Variants in STMND1 observed in about 807,000 individuals in gnomAD.
STMND1 encodes stathmin domain containing 1, also known as stathmin domain-containing protein 1.
STMND1 carries 17 observed loss-of-function variants against 23.0 expected under a neutral mutation model. The ratio of observed to expected loss-of-function variants is 0.74; its 90% confidence interval spans 0.51 to 1.11. The LOEUF is 1.11. Ranked by LOEUF, STMND1 falls within the 50% of genes least tolerant of loss-of-function variation. The pLI is 0.00. For synonymous variants in STMND1, 114 were observed against 119.9 expected (o/e 0.95, Z 0.32); for missense variants, 305 against 329.1 (o/e 0.93, Z 0.57).
intron 2 of STMND1, among the ~76,000 whole-genome samples, chr6:17,116,702 A>T (rs910914508): frequency 2.6e-5 from 4 of 152,084 alleles, no homozygotes; most frequent in African/African-American, 7.2e-5. Context: ...AGCCTCCCAA[A>T]GTGTTGAGAT....
Position 17,130,769 on chromosome 6 carries a change from G to A in STMND1, c.719G>A (p.Arg240Lys), listed in dbSNP as rs1474692534. ...SDLQGGKPLK[R>K]KKSKCDATLI... ...CTGCAGGGAGGAAAACCATTGAAGA[G>A]GAAGAAGAGTAAATGTGATGCAACC... is the stretch of plus-strand genomic sequence containing the variant. Residue 240 changes from arginine to lysine, a missense_variant, in exon 5 of 5, where the codon AGG becomes AAG. Transcript: ENST00000536551. The A allele has an allele frequency of 7.2e-6, 11 of 1,536,074 alleles. No individual in the cohort carries two copies. The highest frequency in any genetic ancestry group is 1.7e-4 in the Middle Eastern group (1 of 5,990).
Position 17,126,061 on chromosome 6 carries a change from TATATATATA to T in STMND1, c.412-3050_412-3042del, listed in dbSNP as rs1309313444. Among the ~76,000 whole-genome samples, 67 of 27,472 alleles carry T rather than the reference TATATATATA, an allele frequency of 2.4e-3. 1 individual carries two copies. The highest frequency in any genetic ancestry group is 7.8e-3 in the African/African-American group (54 of 6,886). 18.0% of individuals were successfully genotyped at this position (27,472 alleles called of 152,430 possible). On this transcript the variant is annotated intron_variant, in intron 3 of 4. Transcript: ENST00000536551. Reference sequence around the variant, plus strand: ...ATATATATATATATATATATATATATATATATATATTTTTTTTTTTTTTTTTTTTTTTTT... The same window carrying T: ...ATATATATATATATATATATATATATTTTTTTTTTTTTTTTTTTTTTTTTT...
At chr6:17,120,779 C>T in intron 3 of STMND1, 21 bp downstream of exon 3, 1 of 1,500,816 alleles carries the variant, frequency 6.7e-7, no homozygotes, top group Non-Finnish European at 8.9e-7. Flanking sequence ...TTGTAATTAA[C>T]ATTAGCTTAT....
rs777881930 is a variant in STMND1 at position 17,130,605 on chromosome 6, A to T, written c.555A>T (p.Glu185Asp). Residue 185 changes from glutamate to aspartate, a missense_variant, in exon 5 of 5, where the codon GAA becomes GAT. Physicochemically the swap from Glu to Asp is conservative, Grantham distance 45 (BLOSUM62 2). Coordinates refer to ENST00000536551, the MANE Select transcript of STMND1 (RefSeq NM_001190766.2). ...AAEERRKTKE[E>D]EIRKRLRSDR... is the part of the protein sequence containing the mutation. ...ATACTGCATTTCAGACTAAAGAAGA[A>T]GAAATAAGAAAAAGGCTACGGAGTG... is the stretch of plus-strand genomic sequence containing the variant. The T allele has an allele frequency of 5.3e-6, 8 of 1,511,516 alleles. No homozygotes were observed. In the African/African-American group the frequency reaches 1.1e-4, roughly 21 times the overall value. 93.6% of individuals were successfully genotyped at this position (1,511,516 alleles called of 1,614,324 possible).
At chr6:17,110,098 C>A (rs566407667) in intron 1 of STMND1, among the ~76,000 whole-genome samples, 1 of 152,218 alleles carries the variant, frequency 6.6e-6, no homozygotes, top group African/African-American at 2.4e-5. Flanking sequence ...CCTAGAATGT[C>A]CTTTTCTCCT....
chr6:17,129,121 A>AC lies in STMND1; in HGVS notation c.422dup (p.Glu142Ter). On this transcript the variant is annotated frameshift_variant, in exon 4 of 5. Transcript: ENST00000536551. LOFTEE classifies it high-confidence loss of function. ...AGATGTTTTATTCCAGTTGACTACG[A>AC]CTGAGAAGCCATTGAGAAAGCCACC... The AC allele has an allele frequency of 6.5e-7, 1 of 1,535,832 alleles. No homozygotes were observed. The highest frequency in any genetic ancestry group is 8.7e-7 in the Non-Finnish European group (1 of 1,146,768).
chr6:17,120,467 C>A, intron 2 of STMND1, 140 bp from the exon 3 acceptor site: 1 of 605,750 alleles, frequency 1.7e-6, no homozygotes, highest in South Asian at 3.3e-5. Context: ...ATCACAAAGA[C>A]TTATAATAGA....
chr6:17,103,791 C>T (rs1046058520), intron 1 of STMND1, among the ~76,000 whole-genome samples: 26 of 152,004 alleles, frequency 1.7e-4, no homozygotes, highest in Admixed American at 5.9e-4. Context: ...AGGCTGGTCT[C>T]GAACTCCTGA....
chr6:17,125,528 T>C (rs1761284136), intron 3 of STMND1, among the ~76,000 whole-genome samples: 1 of 152,208 alleles, frequency 6.6e-6, no homozygotes, highest in Non-Finnish European at 1.5e-5. Context: ...GTGACTTCTA[T>C]ACTTGGGAAC....
chr6:17,111,534 C>T (rs757381554), intron 1 of STMND1, among the ~76,000 whole-genome samples: 3 of 152,090 alleles, frequency 2.0e-5, no homozygotes, highest in Non-Finnish European at 4.4e-5. Flanking sequence ...TAATGAGCTC[C>T]AATGCCATCA....
At chr6:17,121,623 A>G (rs1656994497) in intron 3 of STMND1, among the ~76,000 whole-genome samples, 1 of 152,204 alleles carries the variant, frequency 6.6e-6, no homozygotes, top group Non-Finnish European at 1.5e-5. Flanking sequence ...AAAATAAAGT[A>G]AAACTTTAAA....
At chr6:17,113,737 G>C (rs1761124105) in intron 1 of STMND1, among the ~76,000 whole-genome samples, 2 of 151,634 alleles carry the variant, frequency 1.3e-5, no homozygotes, top group South Asian at 4.2e-4. Context: ...CAAAGTTCTG[G>C]GGTTACAGGC....
In STMND1 at chr6:17,117,948, G is replaced by A. The variant is rs144769011; in HGVS notation, c.260-2659G>A. Among the ~76,000 whole-genome samples the A allele has an allele frequency of 3.5e-3, 531 of 151,912 alleles. 1 individual carries two copies. The highest frequency in any genetic ancestry group is 0.012 in the African/African-American group (501 of 41,432). ...CCTGCCTTGGCCTCCCAAAGTGCTG[G>A]GATTATAGGCATGAGCCAGGGTTAC... On this transcript the variant is annotated intron_variant, in intron 2 of 4. Coordinates refer to ENST00000536551, the MANE Select transcript of STMND1 (RefSeq NM_001190766.2).
intron 1 of STMND1, among the ~76,000 whole-genome samples, chr6:17,111,269 G>T (rs891873433): frequency 6.6e-6 from 1 of 152,138 alleles, no homozygotes; most frequent in African/African-American, 2.4e-5. Context: ...GAAAGGAGAA[G>T]GTGGGATTAT....
intron 1 of STMND1, among the ~76,000 whole-genome samples, chr6:17,104,911 G>C (rs1760998044): frequency 6.6e-6 from 1 of 151,962 alleles, no homozygotes; most frequent in Non-Finnish European, 1.5e-5. Context: ...ACACATAGTG[G>C]GGCCTCTCTA....
At chr6:17,102,732 C>T (rs1281275531) in intron 1 of STMND1, among the ~76,000 whole-genome samples, 1 of 152,040 alleles carries the variant, frequency 6.6e-6, no homozygotes, top group Non-Finnish European at 1.5e-5. Context: ...GGTTAGAGTC[C>T]GTAGGAACTG....
intron 4 of STMND1, among the ~76,000 whole-genome samples, chr6:17,129,580 C>T (rs972381976): frequency 1.3e-5 from 2 of 151,592 alleles, no homozygotes; most frequent in Non-Finnish European, 2.9e-5. Context: ...CGCGGTGGCT[C>T]ACGCCTGTAA....
intron 1 of STMND1, among the ~76,000 whole-genome samples, chr6:17,106,889 A>G (rs964814068): frequency 7.2e-5 from 11 of 152,180 alleles, no homozygotes; most frequent in African/African-American, 2.4e-5. Context: ...GCATAATAAT[A>G]AGAAAAGCAT....
intron 1 of STMND1, chr6:17,110,720 A>T (rs1020809990): frequency 1.6e-5 from 7 of 437,894 alleles, no homozygotes; most frequent in African/African-American, 1.2e-4. Flanking sequence ...GTGAGCCGAG[A>T]TCGCACCACT....
Sources: gnomAD v4.1 joint callset for allele counts (sites outside exome capture counted in the v4.1 genomes callset) on GRCh38, gnomAD v4.1.1 for gene constraint, MANE v1.5 for transcripts, NCBI Gene and HGNC (gene_info 2026-07-23, HGNC 2026-07-21) for gene names.